UGT1A8: variants seen among roughly 807,000 people sequenced by gnomAD.
UGT1A8 encodes UDP glucuronosyltransferase family 1 member A8, also known as UDP-glucuronosyltransferase 1A8.
In UGT1A8, 39 loss-of-function variants were observed where a neutral mutation model predicts 45.3. The observed-to-expected ratio is 0.86, with a 90% CI of 0.67 to 1.12. The LOEUF is 1.12. UGT1A8 is among the 50% of genes most tolerant of loss of function. The pLI is 0.00. For missense variants in UGT1A8, 719 were observed against 664.9 expected (o/e 1.08, Z -0.90); for synonymous variants, 275 against 249.2 (o/e 1.10, Z -0.97).
intron 1 of UGT1A8, among the ~76,000 whole-genome samples, chr2:233,737,165 G>A (rs941026420): frequency 6.6e-6 from 1 of 152,234 alleles, no homozygotes; most frequent in African/African-American, 2.4e-5. Flanking sequence ...CCACAGAGGT[G>A]GAGTCTATAG....
At chr2:233,626,864 G>T (rs1322031765) in intron 1 of UGT1A8, among the ~76,000 whole-genome samples, 1 of 152,048 alleles carries the variant, frequency 6.6e-6, no homozygotes, top group Non-Finnish European at 1.5e-5. Context: ...AATATCAAAA[G>T]AATTTTAAAA....
chr2:233,735,217 A>T (rs1317592719), intron 1 of UGT1A8, among the ~76,000 whole-genome samples: 1 of 152,114 alleles, frequency 6.6e-6, no homozygotes, highest in African/African-American at 2.4e-5. Flanking sequence ...GTGCATATAT[A>T]TTTAGGATAG....
chr2:233,657,545 T>G (rs540664686), intron 1 of UGT1A8, among the ~76,000 whole-genome samples: 8 of 152,268 alleles, frequency 5.3e-5, no homozygotes, highest in Admixed American at 5.2e-4. Flanking sequence ...AAAAACATAC[T>G]AGGTCATTTG....
intron 1 of UGT1A8, among the ~76,000 whole-genome samples, chr2:233,698,709 C>T (rs1285888187): frequency 6.6e-6 from 1 of 152,186 alleles, no homozygotes; most frequent in Non-Finnish European, 1.5e-5. Context: ...ATGTGCAAAG[C>T]CTTTTGAAAA....
intron 1 of UGT1A8, among the ~76,000 whole-genome samples, chr2:233,706,039 G>A (rs2075885693): frequency 6.6e-6 from 1 of 152,158 alleles, no homozygotes; most frequent in South Asian, 2.1e-4. Flanking sequence ...AGGTTGCAGT[G>A]AGCCGAGATC....
chr2:233,640,789 G>T (rs2125463279), intron 1 of UGT1A8, among the ~76,000 whole-genome samples: 1 of 152,246 alleles, frequency 6.6e-6, no homozygotes, highest in East Asian at 1.9e-4. Flanking sequence ...TGGTCAGTAG[G>T]AAGCAGTTGG....
chr2:233,624,881 T>C (rs1459244479), intron 1 of UGT1A8, among the ~76,000 whole-genome samples: 1 of 152,120 alleles, frequency 6.6e-6, no homozygotes, highest in East Asian at 1.9e-4. Context: ...TTCCTAAGTA[T>C]TTCATGTTTT....
intron 1 of UGT1A8, among the ~76,000 whole-genome samples, chr2:233,726,792 T>G (rs1032165047): frequency 1.3e-5 from 2 of 152,238 alleles, no homozygotes; most frequent in Admixed American, 1.3e-4. Flanking sequence ...CCACATCTTA[T>G]TCAAGGCTTG....
Position 233,772,789 on chromosome 2 carries a change from G to A in UGT1A8, c.*230G>A. ...CCCCTCTGGTGTCTTTGATCAGGAT[G>A]ACATGTGCCATTTTTCAGAGGACGT... On this transcript the variant is annotated 3_prime_UTR_variant, in exon 5 of 5. Coordinates refer to ENST00000373450, the MANE Select transcript of UGT1A8 (RefSeq NM_019076.5). 8.1e-7 allele frequency: 1 copy of A among 1,234,684 alleles called. No homozygotes were observed. Among genetic ancestry groups the A allele is most frequent in the Non-Finnish European group, 1.1e-6 (1 of 930,096 alleles). The allele number at this position is 1,234,684 out of a possible 1,614,324, so 76.5% of individuals were successfully genotyped here. A position where few individuals can be genotyped will look rare whatever the true frequency, so the allele number is the denominator to read the frequency against.
intron 1 of UGT1A8, among the ~76,000 whole-genome samples, chr2:233,662,356 T>G (rs2073990417): frequency 6.6e-6 from 1 of 152,250 alleles, no homozygotes; most frequent in South Asian, 2.1e-4. Flanking sequence ...TTTTTCAATT[T>G]GTTGCAAATC....
At chr2:233,710,700 T>C (rs1342803924) in intron 1 of UGT1A8, among the ~76,000 whole-genome samples, 2 of 152,204 alleles carry the variant, frequency 1.3e-5, no homozygotes, top group Non-Finnish European at 2.9e-5. Flanking sequence ...TGGTGTGTGG[T>C]GTCCTTTGTT....
intron 1 of UGT1A8, among the ~76,000 whole-genome samples, chr2:233,643,548 A>G (rs1489723788): frequency 2.6e-5 from 4 of 152,058 alleles, no homozygotes; most frequent in Non-Finnish European, 5.9e-5. Context: ...ATCCCCCTGC[A>G]GCAGTGTTGG....
chr2:233,716,902 C>A (rs2076532404), intron 1 of UGT1A8, among the ~76,000 whole-genome samples: 1 of 152,154 alleles, frequency 6.6e-6, no homozygotes, highest in African/African-American at 2.4e-5. Context: ...TCCTCATCTC[C>A]AGACCCTGGA....
Position 233,677,103 on chromosome 2 carries a change from G to T in UGT1A8, c.855+58541G>T, listed in dbSNP as rs28970013. On this transcript the variant is annotated intron_variant, in intron 1 of 4. Coordinates refer to ENST00000373450, the MANE Select transcript of UGT1A8 (RefSeq NM_019076.5). ...CAAAAATCCTGCTAGGATTTTGATT[G>T]GGATTGTATTTTATTTATAGATCAA... Among the ~76,000 whole-genome samples, 549 of 152,062 alleles carry T rather than the reference G, an allele frequency of 3.6e-3. 6 individuals carry two copies. The highest frequency in any genetic ancestry group is 0.013 in the African/African-American group (525 of 41,468).
At position 233,663,873 on chromosome 2, in the gene UGT1A8, A is replaced by G. The variant is rs116323695; in HGVS notation, c.855+45311A>G. Reference sequence around the variant, plus strand: ...TTTGCAACCACCATTCCTCTTTTTGATTCTATGAATTTCTCTATTTTAGAT... The same window carrying G: ...TTTGCAACCACCATTCCTCTTTTTGGTTCTATGAATTTCTCTATTTTAGAT... On this transcript the variant is annotated intron_variant, in intron 1 of 4. Transcript: ENST00000373450. 5.2e-3 allele frequency among the ~76,000 whole-genome samples: 784 copies of G among 152,186 alleles called. 2 individuals are homozygous for G. Among genetic ancestry groups the G allele is most frequent in the Non-Finnish European group, 8.7e-3 (592 of 67,992 alleles).
rs142570332 is a variant in UGT1A8 at position 233,626,417 on chromosome 2, T to A, written c.855+7855T>A. Reference sequence around the variant, plus strand: ...ATTAATTCCTCGAGTGTGGTGTCTATTGACTCTTGAATTTCTCCAAGATTC... The same window carrying A: ...ATTAATTCCTCGAGTGTGGTGTCTAATGACTCTTGAATTTCTCCAAGATTC... On this transcript the variant is annotated intron_variant, in intron 1 of 4. Transcript: ENST00000373450. 1.1e-4 allele frequency among the ~76,000 whole-genome samples: 16 copies of A among 152,216 alleles called. No individual in the cohort carries two copies. The East Asian group carries it at 3.1e-3, about 29-fold the overall frequency.
Position 233,772,682 on chromosome 2 carries a change from G to T in UGT1A8, c.*123G>T. 2.0e-6 allele frequency: 3 copies of T among 1,494,758 alleles called. No individual in the cohort carries two copies. Among genetic ancestry groups the T allele is most frequent in the East Asian group, 2.5e-5 (1 of 40,656 alleles). 92.6% of individuals were successfully genotyped at this position (1,494,758 alleles called of 1,614,324 possible). A position where few individuals can be genotyped will look rare whatever the true frequency, so the allele number is the denominator to read the frequency against. ...GGAAATACTTTGCATAAATTAATCA[G>T]CCCCAGAGTGCTTTAAAAAATTCTC... On this transcript the variant is annotated 3_prime_UTR_variant, in exon 5 of 5. Coordinates refer to ENST00000373450, the MANE Select transcript of UGT1A8 (RefSeq NM_019076.5).
chr2:233,760,041 G>A (rs1458038785), intron 1 of UGT1A8, among the ~76,000 whole-genome samples: 2 of 152,178 alleles, frequency 1.3e-5, no homozygotes, highest in Admixed American at 6.5e-5. Context: ...GTACTTTGCT[G>A]TGTTCACTCA....
intron 1 of UGT1A8, among the ~76,000 whole-genome samples, chr2:233,747,024 C>T (rs773156337): frequency 2.0e-5 from 3 of 151,838 alleles, no homozygotes; most frequent in South Asian, 2.1e-4. Flanking sequence ...CGGTCTTTCC[C>T]GAAGTGGGAC....
Sources: allele counts gnomAD v4.1 joint callset (sites outside exome capture counted in the v4.1 genomes callset), GRCh38; gene constraint gnomAD v4.1.1; transcripts MANE v1.5; gene names NCBI Gene and HGNC (gene_info 2026-07-23, HGNC 2026-07-21).